The following VOPP1 variants were observed in gnomAD, a reference collection of about 807,000 sequenced individuals.
VOPP1 encodes WW domain binding protein VOPP1.
VOPP1 carries 8 observed loss-of-function variants against 23.5 expected under a neutral mutation model. That is an observed-to-expected ratio of 0.34 (90% confidence interval 0.20 to 0.61). VOPP1 has a LOEUF of 0.61. Ranked by LOEUF, VOPP1 falls within the 20% of genes least tolerant of loss-of-function variation. VOPP1 has a pLI of 0.78. For missense variants in VOPP1, 174 were observed against 238.1 expected (o/e 0.73, Z 1.77); for synonymous variants, 83 against 97.3 (o/e 0.85, Z 0.86).
chr7:55,525,316 G>A (rs768881968), intron 1 of VOPP1, among the ~76,000 whole-genome samples: 10 of 151,908 alleles, frequency 6.6e-5, no homozygotes, highest in African/African-American at 1.2e-4. Context: ...AGTGAAACCC[G>A]TCTGTACTAA....
intron 1 of VOPP1, among the ~76,000 whole-genome samples, chr7:55,550,636 CA>C (rs1365666250): frequency 6.6e-6 from 1 of 152,142 alleles, no homozygotes; most frequent in Non-Finnish European, 1.5e-5. Context: ...TACTCAATGT[CA>C]GGGGCACTCG....
At chr7:55,534,877 C>CCCACT (rs1414586125) in intron 1 of VOPP1, among the ~76,000 whole-genome samples, 7 of 152,386 alleles carry the variant, frequency 4.6e-5, no homozygotes, top group Non-Finnish European at 5.9e-5. Context: ...CTCCTGTCTT[C>CCCACT]CCACTCCATC....
At chr7:55,539,534 A>G (rs1192851040) in intron 1 of VOPP1, 1 of 152,100 alleles carries the variant, frequency 6.6e-6, no homozygotes, top group East Asian at 1.9e-4. Context: ...GCTTCTCCCC[A>G]TTGCTCTCTC....
At chr7:55,466,172 C>T (rs993064353), downstream of VOPP1, among the ~76,000 whole-genome samples, 3 of 152,178 alleles carry the variant, frequency 2.0e-5, no homozygotes, top group Admixed American at 6.5e-5. Context: ...CTTAGACTTC[C>T]GAACAGCCTC....
intron 2 of VOPP1, among the ~76,000 whole-genome samples, chr7:55,513,127 G>A (rs148271837): frequency 9.9e-4 from 150 of 152,118 alleles, no homozygotes; most frequent in African/African-American, 3.5e-3. Flanking sequence ...CCTGAAAGCA[G>A]CCTGGTCAAA....
chr7:55,436,507 A>T (rs1790825575), intron 4 of VOPP1, among the ~76,000 whole-genome samples: 1 of 152,182 alleles, frequency 6.6e-6, no homozygotes, highest in South Asian at 2.1e-4. Context: ...CGTGGAGGGA[A>T]ATGCAGATCT....
Position 55,568,445 on chromosome 7 carries a change from C to T in VOPP1, c.54+3826G>A, listed in dbSNP as rs572670887. The stretch of plus-strand genomic sequence containing the variant: ...CCAACAGCATTGAAGCACAAAGCAA[C>T]GTGGCTTAAGCGTTTCCAGCTCTTG... On this transcript the variant is annotated intron_variant, in intron 1 of 4. Coordinates refer to ENST00000285279, the MANE Select transcript of VOPP1 (RefSeq NM_030796.5). 8.5e-5 allele frequency among the ~76,000 whole-genome samples: 13 copies of T among 152,282 alleles called. No homozygotes were observed. In the East Asian group the frequency reaches 2.5e-3, roughly 29 times the overall value.
chr7:55,443,182 G>A (rs997360738), intron 4 of VOPP1, among the ~76,000 whole-genome samples: 1 of 152,012 alleles, frequency 6.6e-6, no homozygotes, highest in Non-Finnish European at 1.5e-5. Context: ...GGACAAAGAC[G>A]GAAAATTTAG....
At chr7:55,552,647 T>C (rs1584108806) in intron 1 of VOPP1, 2 of 1,536,058 alleles carry the variant, frequency 1.3e-6, no homozygotes, top group African/African-American at 2.7e-5. Context: ...GTTGCCCTTT[T>C]CCTACCATAT....
intron 1 of VOPP1, among the ~76,000 whole-genome samples, chr7:55,528,228 T>C (rs1796300793): frequency 6.6e-6 from 1 of 152,116 alleles, no homozygotes; most frequent in African/African-American, 2.4e-5. Context: ...AAATAGTACA[T>C]CTAGAATTGT....
chr7:55,536,495 C>T (rs1796799207), intron 1 of VOPP1, among the ~76,000 whole-genome samples: 2 of 152,144 alleles, frequency 1.3e-5, no homozygotes, highest in African/African-American at 2.4e-5. Flanking sequence ...CACCACTGCT[C>T]TGCAGCCTGG....
chr7:55,516,802 CA>C (rs1398873866), intron 2 of VOPP1, among the ~76,000 whole-genome samples: 24 of 150,424 alleles, frequency 1.6e-4, no homozygotes, highest in African/African-American at 5.9e-4. Flanking sequence ...CTTGAGTCAA[CA>C]TATTTGTAAG....
intron 4 of VOPP1, among the ~76,000 whole-genome samples, chr7:55,436,677 CGTGTGTGCATGTGCATGCGT>C (rs1454684004): frequency 1.3e-5 from 2 of 151,006 alleles, no homozygotes; most frequent in Admixed American, 6.6e-5. Context: ...CGTGCGTGTG[CGTGTGTGCATGTGCATGCGT>C]GTGTGTGCAT....
intron 1 of VOPP1, among the ~76,000 whole-genome samples, chr7:55,543,458 G>A (rs966403857): frequency 4.6e-5 from 7 of 152,252 alleles, no homozygotes; most frequent in African/African-American, 1.7e-4. Context: ...TAGATCATAA[G>A]GTAGTTCCAT....
intron 1 of VOPP1, among the ~76,000 whole-genome samples, chr7:55,538,425 C>T (rs940243534): frequency 2.0e-5 from 3 of 152,168 alleles, no homozygotes; most frequent in African/African-American, 7.2e-5. Flanking sequence ...ATGTTTCGTT[C>T]TTTGCTAACT....
chr7:55,552,836 A>G, intron 1 of VOPP1: 2 of 1,433,972 alleles, frequency 1.4e-6, no homozygotes, highest in Non-Finnish European at 1.8e-6. Context: ...CAACCCAGAA[A>G]GGTGACGGAG....
At position 55,557,804 on chromosome 7, in the gene VOPP1, G is replaced by T. The variant is rs569738223; in HGVS notation, c.54+14467C>A. Among the ~76,000 whole-genome samples the T allele has an allele frequency of 2.0e-5, 3 of 152,390 alleles. No individual in the cohort carries two copies. The South Asian group carries it at 6.2e-4, about 32-fold the overall frequency. ...ACCGTCCGCAGAGAATGGCAGAATG[G>T]AAGGTGGAGCAAATGAGAGGGTGTG... is the stretch of plus-strand genomic sequence containing the variant. On this transcript the variant is annotated intron_variant, in intron 1 of 4. Transcript: ENST00000285279.
chr7:55,566,040 T>C (rs73141729), intron 1 of VOPP1, among the ~76,000 whole-genome samples: 12,605 of 152,164 alleles, frequency 0.083, 843 homozygotes, highest in East Asian at 0.3. Flanking sequence ...AAACAGGCCC[T>C]GCAGACCTCA....
chr7:55,441,099 T>C (rs1356032080), intron 4 of VOPP1, among the ~76,000 whole-genome samples: 2 of 152,206 alleles, frequency 1.3e-5, no homozygotes, highest in East Asian at 3.9e-4. Flanking sequence ...TTGGGACCAT[T>C]TTCTGTTTCT....
Sources: gnomAD v4.1 joint callset for allele counts (sites outside exome capture counted in the v4.1 genomes callset) on GRCh38, gnomAD v4.1.1 for gene constraint, MANE v1.5 for transcripts, NCBI Gene and HGNC (gene_info 2026-07-23, HGNC 2026-07-21) for gene names.